Variants in ZNF608 observed in about 807,000 individuals in gnomAD.
The protein encoded by ZNF608 is renal carcinoma antigen NY-REN-36.
Under a neutral mutation model 109.0 loss-of-function variants are expected in ZNF608, and 12 were observed. That is an observed-to-expected ratio of 0.11 (90% CI 0.07 to 0.18). The LOEUF is 0.18. ZNF608 is among the 10% of genes least tolerant of loss of function. ZNF608 has a pLI of 1.00. For synonymous variants in ZNF608, 732 were observed against 717.4 expected, an observed-to-expected ratio of 1.02 and a Z score of -0.33; for missense variants, 1,707 against 1,879.3, an observed-to-expected ratio of 0.91 and a Z score of 1.70.
At chr5:124,732,348 C>T (rs1446966178) in intron 2 of ZNF608, among the ~76,000 whole-genome samples, 10 of 152,050 alleles carry the variant, frequency 6.6e-5, no homozygotes, top group African/African-American at 2.2e-4. Flanking sequence ...AAGGGTTTCA[C>T]TCCCAAGATT....
chr5:124,651,037 T>C (rs2149792863), intron 3 of ZNF608, among the ~76,000 whole-genome samples: 1 of 152,392 alleles, frequency 6.6e-6, no homozygotes, highest in South Asian at 2.1e-4. Flanking sequence ...ATATGGTCTA[T>C]GTTGCTATTA....
At chr5:124,671,078 C>T (rs1018782917) in intron 3 of ZNF608, among the ~76,000 whole-genome samples, 1 of 152,134 alleles carries the variant, frequency 6.6e-6, no homozygotes, top group African/African-American at 2.4e-5. Flanking sequence ...ATTGTACACA[C>T]TATATTTTCC....
At position 124,744,571 on chromosome 5, in the gene ZNF608, T is replaced by A. The variant is rs747463029; in HGVS notation, c.419A>T (p.Gln140Leu). Reference sequence around the variant, plus strand: ...GCCAGTTGCCTCTCCAGGGCGCCCTTGGACTTCCTGCCTCTTGCCAGTGCT... The same window carrying A: ...GCCAGTTGCCTCTCCAGGGCGCCCTAGGACTTCCTGCCTCTTGCCAGTGCT... ...ISSTGKRQEV[Q>L]GRPGEATGMN... Residue 140 changes from glutamine (Q) to leucine (L), a missense_variant, in exon 2 of 10, where the codon CAA (glutamine) becomes CTA (leucine). Gln to Leu is a moderately radical substitution (Grantham distance 113). Transcript: ENST00000513986. This position sits in a 1 kb window ranked among gnomAD's most constrained non-coding sequence, Gnocchi z 4.5. The A allele has an allele frequency of 1.2e-6, 2 of 1,614,128 alleles. No individual in the cohort carries two copies. Among genetic ancestry groups the A allele is most frequent in the Non-Finnish European group, 1.7e-6 (2 of 1,180,054 alleles).
chr5:124,677,516 T>G (rs1751994297), intron 3 of ZNF608, among the ~76,000 whole-genome samples: 1 of 152,134 alleles, frequency 6.6e-6, no homozygotes. Flanking sequence ...AAGGATTAAT[T>G]TTCCCAAGGC....
rs34750134 is a variant in ZNF608 at position 124,637,667 on chromosome 5, T to TTA, written c.*231_*232dup. 63,348 of 175,110 alleles carry TTA rather than the reference T, an allele frequency of 0.36. 11,800 individuals are homozygous for TTA. Among genetic ancestry groups the TTA allele is most frequent in the East Asian group, 0.6 (3,876 of 6,512 alleles). The allele number at this position is 175,110 out of a possible 1,614,324, so 10.8% of individuals were successfully genotyped here. On this transcript the variant is annotated 3_prime_UTR_variant, in exon 10 of 10. Transcript: ENST00000513986. Reference sequence around the variant, plus strand: ...CAAAAAGTAAAGAATATATTTATATTTATATATATATATATGTATATATAC... The same window carrying TTA: ...CAAAAAGTAAAGAATATATTTATATTTATATATATATATATATGTATATATAC...
intron 3 of ZNF608, among the ~76,000 whole-genome samples, chr5:124,685,515 T>C (rs1752371207): frequency 6.6e-6 from 1 of 152,076 alleles, no homozygotes; most frequent in African/African-American, 2.4e-5. Context: ...GAAGTGACAG[T>C]TGCATACCCA....
intron 2 of ZNF608, among the ~76,000 whole-genome samples, chr5:124,730,388 C>T (rs2149891205): frequency 6.6e-6 from 1 of 152,320 alleles, no homozygotes; most frequent in South Asian, 2.1e-4. Flanking sequence ...TTCGTGTTGT[C>T]ATCCAATCAC....
chr5:124,681,670 G>A (rs1429485081), intron 3 of ZNF608, among the ~76,000 whole-genome samples: 1 of 152,186 alleles, frequency 6.6e-6, no homozygotes, highest in Non-Finnish European at 1.5e-5. Flanking sequence ...GATCCCTTGA[G>A]CCTGGGAATT....
chr5:124,638,831 C>A, intron 9 of ZNF608: 1 of 1,117,608 alleles, frequency 8.9e-7, no homozygotes, highest in Non-Finnish European at 1.1e-6. Flanking sequence ...TATCTTTAAA[C>A]ATAATAAAAC....
intron 2 of ZNF608, among the ~76,000 whole-genome samples, chr5:124,735,672 T>G (rs1053297447): frequency 1.3e-5 from 2 of 152,208 alleles, no homozygotes; most frequent in Non-Finnish European, 2.9e-5. Context: ...CTGCTCCCTT[T>G]CTACTTCAGT....
chr5:124,666,583 A>C (rs1236415030), intron 3 of ZNF608, among the ~76,000 whole-genome samples: 2 of 152,112 alleles, frequency 1.3e-5, no homozygotes, highest in Non-Finnish European at 2.9e-5. Context: ...AAAGAAAAAA[A>C]CTTCAATTTT....
Position 124,641,349 on chromosome 5 carries a change from G to A in ZNF608, c.4353C>T (p.Arg1451=), listed in dbSNP as rs1580516839. Residue 1451 remains arginine (R), a synonymous_variant, in exon 8 of 10, where the codon CGC becomes CGT. Transcript: ENST00000513986. The part of the protein sequence containing the change: ...REREAERERD[R]HSPFGQRHLH... ...GGTGCCGCTGGCCGAAGGGGGAGTG[G>A]CGATCCCTTTCCCTTTCTGCCTCCC... The A allele has an allele frequency of 6.2e-7, 1 of 1,614,080 alleles. No homozygotes were observed. The highest frequency in any genetic ancestry group is 8.5e-7 in the Non-Finnish European group (1 of 1,180,020).
At chr5:124,714,689 C>G (rs1017417667) in intron 2 of ZNF608, among the ~76,000 whole-genome samples, 1 of 152,184 alleles carries the variant, frequency 6.6e-6, no homozygotes, top group East Asian at 1.9e-4. Context: ...GTATCTCTAT[C>G]ATATAAGTGC....
chr5:124,675,834 G>C (rs1331575046), intron 3 of ZNF608, among the ~76,000 whole-genome samples: 1 of 152,206 alleles, frequency 6.6e-6, no homozygotes, highest in Non-Finnish European at 1.5e-5. Context: ...TGGGGCAAGA[G>C]AGATAATAAC....
At chr5:124,722,544 G>A (rs1753969640) in intron 2 of ZNF608, among the ~76,000 whole-genome samples, 1 of 150,860 alleles carries the variant, frequency 6.6e-6, no homozygotes, top group South Asian at 2.1e-4. Flanking sequence ...AAGCAATACT[G>A]TGATGATTTT....
Position 124,647,572 on chromosome 5 carries a change from C to T in ZNF608, c.2812G>A (p.Ala938Thr), listed in dbSNP as rs1750581191. 6.2e-7 allele frequency: 1 copy of T among 1,614,100 alleles called. No homozygotes were observed. The highest frequency in any genetic ancestry group is 1.7e-5 in the Admixed American group (1 of 60,010). The change falls in exon 5 of 10, where the codon GCC (alanine) becomes ACC (threonine). Residue 938 changes from alanine (A) to threonine (T), a missense_variant. By Grantham distance (58) the Ala-to-Thr change is moderately conservative. Around this residue, in one of 7 missense-constraint regions of ZNF608, gnomAD observed 1,073 missense variants for 1,133.5 expected, o/e 0.95. Coordinates refer to ENST00000513986, the MANE Select transcript of ZNF608 (RefSeq NM_020747.3). ...GCAGCATCAGATATGTCTGAATAGG[C>T]CGGGCTGCTTGTCTTTGCAGCTGAA... Reference protein sequence around the residue: ...ESSAAKTSSPAYSDISDAADD... With the variant: ...ESSAAKTSSPTYSDISDAADD...
At position 124,692,910 on chromosome 5, in the gene ZNF608, C is replaced by G. The variant is rs147179499; in HGVS notation, c.1162+8104G>C. Reference sequence around the variant, plus strand: ...AAAGTAAGTACTCAACAAGCTAGTCCCTTCTATTGTCTACAAAACATACAT... The same window carrying G: ...AAAGTAAGTACTCAACAAGCTAGTCGCTTCTATTGTCTACAAAACATACAT... On this transcript the variant is annotated intron_variant, in intron 3 of 9. Coordinates refer to ENST00000513986, the MANE Select transcript of ZNF608 (RefSeq NM_020747.3). 6.9e-3 allele frequency among the ~76,000 whole-genome samples: 1,051 copies of G among 152,288 alleles called. 14 individuals carry two copies. Among genetic ancestry groups the G allele is most frequent in the African/African-American group, 0.024 (1,003 of 41,560 alleles).
chr5:124,747,033 C>T (rs1749665234), upstream of ZNF608, among the ~76,000 whole-genome samples: 1 of 151,928 alleles, frequency 6.6e-6, no homozygotes, highest in Non-Finnish European at 1.5e-5. Flanking sequence ...GTGATGTTTT[C>T]CTGTCTTATG....
chr5:124,669,476 T>C (rs1169082013), intron 3 of ZNF608, among the ~76,000 whole-genome samples: 1 of 152,134 alleles, frequency 6.6e-6, no homozygotes, highest in Non-Finnish European at 1.5e-5. Context: ...GTGGACAGCA[T>C]ACAATACAAT....
Sources: allele counts gnomAD v4.1 joint callset (sites outside exome capture counted in the v4.1 genomes callset), GRCh38; gene constraint gnomAD v4.1.1; regional missense constraint gnomAD v4.1.1; non-coding constraint Gnocchi (gnomAD v3.1); transcripts MANE v1.5; gene names NCBI Gene and HGNC (gene_info 2026-07-23, HGNC 2026-07-21).